USP37: variants seen among roughly 807,000 people sequenced by gnomAD.
The protein encoded by USP37 is ubiquitin specific peptidase 37.
In USP37, 27 loss-of-function variants were observed where a neutral mutation model predicts 124.0. That is an observed-to-expected ratio of 0.22 (90% CI 0.16 to 0.30). The LOEUF (loss-of-function observed/expected upper bound fraction) is 0.30, where lower values mean the gene tolerates loss of function less well. Among genes scored for constraint, USP37 ranks in the 10% least tolerant of loss-of-function variants. The pLI is 1.00. For missense variants in USP37, 889 were observed against 1,140.4 expected (o/e 0.78, Z 3.17); for synonymous variants, 365 against 388.0 (o/e 0.94, Z 0.70).
At chr2:218,474,992 G>T in intron 19 of USP37, 107 bp from the exon 20 acceptor site, 1 of 1,179,264 alleles carries the variant, frequency 8.5e-7, no homozygotes, top group Non-Finnish European at 1.1e-6. Context: ...TCCTTTCTTT[G>T]ATGCTTTGGG....
At chr2:218,508,815 C>A (rs1301177767) in intron 11 of USP37, among the ~76,000 whole-genome samples, 1 of 152,080 alleles carries the variant, frequency 6.6e-6, no homozygotes, top group Non-Finnish European at 1.5e-5. Flanking sequence ...ATGTTTTCTG[C>A]CAATATATGA....
chr2:218,535,902 A>G (rs1691607610), intron 8 of USP37, among the ~76,000 whole-genome samples: 1 of 150,818 alleles, frequency 6.6e-6, no homozygotes, highest in East Asian at 2.0e-4. Context: ...CTGTGATCCC[A>G]GCTATTCAGG....
At chr2:218,526,791 T>TTTTTC in intron 10 of USP37, among the ~76,000 whole-genome samples, 1 of 127,010 alleles carries the variant, frequency 7.9e-6, no homozygotes, top group African/African-American at 3.1e-5. Context: ...TTTGCTTTTT[T>TTTTTC]TTTTTTTTTT....
At position 218,474,861 on chromosome 2, in the gene USP37, G is replaced by C. The variant is rs1406625343; in HGVS notation, c.2068C>G (p.Pro690Ala). Residue 690 changes from proline to alanine, a missense_variant, in exon 20 of 26, where the codon CCT becomes GCT. Pro to Ala is a conservative substitution (Grantham distance 27, BLOSUM62 -1). Transcript: ENST00000258399. ...EKDSKLCPIEPDKSELENSGF... is the reference protein window; with the variant it reads ...EKDSKLCPIEADKSELENSGF... ...GAGTTTTCCAATTCAGACTTGTCAG[G>C]CTCTATTGGGCATAATTTTGAATCC... 1 of 1,612,816 alleles carries C rather than the reference G, an allele frequency of 6.2e-7. No homozygotes were observed.
At chr2:218,495,015 A>C (rs1688998776) in intron 14 of USP37, among the ~76,000 whole-genome samples, 1 of 152,188 alleles carries the variant, frequency 6.6e-6, no homozygotes, top group Non-Finnish European at 1.5e-5. Context: ...ACAAATCGAT[A>C]TTCTACAATG....
chr2:218,542,018 A>G (rs911931384), intron 8 of USP37, among the ~76,000 whole-genome samples: 1 of 152,188 alleles, frequency 6.6e-6, no homozygotes, highest in African/African-American at 2.4e-5. Context: ...AAGATGGTCC[A>G]GTATGGAAAT....
At chr2:218,484,780 A>G (rs990071410) in intron 16 of USP37, among the ~76,000 whole-genome samples, 2 of 152,228 alleles carry the variant, frequency 1.3e-5, no homozygotes, top group Non-Finnish European at 2.9e-5. Context: ...CTAATAAAAG[A>G]AAGTAAAGCA....
Position 218,529,947 on chromosome 2 carries a change from A to C in USP37, c.863+9T>G, listed in dbSNP as rs1691220360. 6.3e-7 allele frequency: 1 copy of C among 1,588,578 alleles called. No homozygotes were observed. ...TAAGTTTTTCACAAGTAATATAACC[A>C]ATGCATACCTGTCTAAGTTAGTGCC... On this transcript the variant is annotated intron_variant, in intron 10 of 25. Coordinates refer to ENST00000258399, the MANE Select transcript of USP37 (RefSeq NM_020935.3).
chr2:218,550,011 A>C, intron 5 of USP37, 102 bp from the exon 6 acceptor site: 1 of 814,988 alleles, frequency 1.2e-6, no homozygotes, highest in East Asian at 3.1e-5. Flanking sequence ...GAAATGGACG[A>C]AACAGCAGGC....
chr2:218,455,808 G>C lies in USP37; in HGVS notation c.2714-90C>G, dbSNP rs1689668385. ...CACGCCTGTAATCTCAGCACTTTGG[G>C]AGGCTGAGGCAGGCGGATCACGAGG... On this transcript the variant is annotated intron_variant, in intron 24 of 25. Transcript: ENST00000258399. 2.2e-6 allele frequency: 3 copies of C among 1,381,632 alleles called. No homozygotes were observed. In the East Asian group the frequency reaches 7.6e-5, roughly 35 times the overall value. The allele number at this position is 1,381,632 out of a possible 1,614,324, so 85.6% of individuals were successfully genotyped here.
At chr2:218,541,472 T>C (rs1691970638) in intron 8 of USP37, among the ~76,000 whole-genome samples, 1 of 152,114 alleles carries the variant, frequency 6.6e-6, no homozygotes, top group South Asian at 2.1e-4. Flanking sequence ...GTAATTATAA[T>C]GGGCAATCAC....
At chr2:218,537,406 G>A (rs974055381) in intron 8 of USP37, among the ~76,000 whole-genome samples, 3 of 152,086 alleles carry the variant, frequency 2.0e-5, no homozygotes, top group Non-Finnish European at 4.4e-5. Flanking sequence ...GCCCAATCAC[G>A]CCCACCACTC....
At chr2:218,565,160 C>T (rs927825178) in intron 1 of USP37, among the ~76,000 whole-genome samples, 2 of 152,170 alleles carry the variant, frequency 1.3e-5, no homozygotes, top group South Asian at 2.1e-4. Context: ...GGGGCTCAAG[C>T]GATCCGCCCA....
At chr2:218,503,924 TG>T (rs920877263) in intron 11 of USP37, among the ~76,000 whole-genome samples, 12 of 152,176 alleles carry the variant, frequency 7.9e-5, no homozygotes, top group African/African-American at 2.9e-4. Context: ...AAAATGTTAA[TG>T]GTCTAAATAC....
intron 16 of USP37, among the ~76,000 whole-genome samples, chr2:218,484,094 G>A (rs893171582): frequency 6.6e-6 from 1 of 151,774 alleles, no homozygotes; most frequent in African/African-American, 2.4e-5. Flanking sequence ...AGGAGGCGGG[G>A]GTTGCAGTGA....
chr2:218,489,013 G>A (rs1227233804), intron 14 of USP37, among the ~76,000 whole-genome samples: 1 of 151,986 alleles, frequency 6.6e-6, no homozygotes, highest in African/African-American at 2.4e-5. Flanking sequence ...TGAACCTGTC[G>A]CAGGTATACA....
rs1371462615 is a variant in USP37 at position 218,452,935 on chromosome 2, C to T, written c.*1995G>A. The stretch of plus-strand genomic sequence containing the variant: ...AAAATCAAACCAAACCAAAGAGGCT[C>T]CTGGTAGAAATGAAACAAAACTTTA... On this transcript the variant is annotated 3_prime_UTR_variant, in exon 26 of 26. Coordinates refer to ENST00000258399, the MANE Select transcript of USP37 (RefSeq NM_020935.3). 1 of 152,132 alleles carries T rather than the reference C, an allele frequency of 6.6e-6. No individual in the cohort carries two copies. The highest frequency in any genetic ancestry group is 1.5e-5 in the Non-Finnish European group (1 of 68,028). The allele number at this position is 152,132 out of a possible 1,614,324, so 9.4% of individuals were successfully genotyped here.
chr2:218,464,428 G>C (rs567791816), intron 21 of USP37, among the ~76,000 whole-genome samples: 25 of 152,092 alleles, frequency 1.6e-4, no homozygotes, highest in African/African-American at 4.6e-4. Flanking sequence ...AGCAGAGACA[G>C]AGTGTCACCA....
In USP37 at chr2:218,505,897, C is replaced by G. The variant is rs189011460; in HGVS notation, c.1025+4082G>C. ...TTTTTTTTTGAGACAAAGTCTTGCT[C>G]TCTGTCACCCAGGCTGGAGTGCAGT... On this transcript the variant is annotated intron_variant, in intron 11 of 25. Coordinates refer to ENST00000258399, the MANE Select transcript of USP37 (RefSeq NM_020935.3). 3.2e-3 allele frequency among the ~76,000 whole-genome samples: 490 copies of G among 151,708 alleles called. 1 individual carries two copies. The highest frequency in any genetic ancestry group is 0.011 in the African/African-American group (471 of 41,328).
Sources: gnomAD v4.1 joint callset for allele counts (sites outside exome capture counted in the v4.1 genomes callset) on GRCh38, gnomAD v4.1.1 for gene constraint, MANE v1.5 for transcripts, NCBI Gene and HGNC (gene_info 2026-07-23, HGNC 2026-07-21) for gene names.